KHDRBS2: variants seen among roughly 807,000 people sequenced by gnomAD.
The protein encoded by KHDRBS2 is KH RNA binding domain containing, signal transduction associated 2.
A neutral mutation model predicts 44.3 loss-of-function variants in KHDRBS2; 26 were observed. That is an observed-to-expected ratio of 0.59 (90% confidence interval 0.43 to 0.81). KHDRBS2 has a LOEUF of 0.81. KHDRBS2 is among the 40% of genes least tolerant of loss of function. The pLI is 0.00. For synonymous variants in KHDRBS2, 194 were observed against 151.1 expected, an observed-to-expected ratio of 1.28 and a Z score of -2.08; for missense variants, 476 against 433.1, an observed-to-expected ratio of 1.10 and a Z score of -0.88.
chr6:62,087,354 C>A (rs1798586306), intron 2 of KHDRBS2, among the ~76,000 whole-genome samples: 2 of 151,340 alleles, frequency 1.3e-5, no homozygotes. Context: ...GTTTTAGGAT[C>A]TAAAAAATTA....
intron 6 of KHDRBS2, among the ~76,000 whole-genome samples, chr6:61,848,491 G>GTATATATA (rs1180750340): frequency 3.3e-5 from 1 of 30,482 alleles, no homozygotes; most frequent in South Asian, 1.3e-3. Context: ...ATATATATAT[G>GTATATATA]TATATATATA....
intron 2 of KHDRBS2, among the ~76,000 whole-genome samples, chr6:62,157,181 C>G (rs1816629868): frequency 6.6e-6 from 1 of 151,276 alleles, no homozygotes; most frequent in Admixed American, 6.6e-5. Context: ...TGGTGAAACC[C>G]CGTCTCTACT....
intron 1 of KHDRBS2, among the ~76,000 whole-genome samples, chr6:62,189,610 C>T (rs925615233): frequency 1.3e-5 from 2 of 151,946 alleles, no homozygotes; most frequent in Non-Finnish European, 2.9e-5. Flanking sequence ...GCAGGAAGAT[C>T]AGTTGTGAGG....
chr6:61,724,011 A>G (rs753394599), intron 7 of KHDRBS2, among the ~76,000 whole-genome samples: 19 of 152,150 alleles, frequency 1.2e-4, no homozygotes, highest in East Asian at 1.9e-4. Context: ...GCACATAATC[A>G]TCAGATTTTC....
intron 6 of KHDRBS2, among the ~76,000 whole-genome samples, chr6:61,843,261 G>A (rs1272068750): frequency 6.6e-6 from 1 of 151,622 alleles, no homozygotes; most frequent in Non-Finnish European, 1.5e-5. Flanking sequence ...TTTGGTGATG[G>A]TTGCACAACT....
intron 4 of KHDRBS2, among the ~76,000 whole-genome samples, chr6:61,956,904 T>TTCTTCA (rs1554293360): frequency 4.7e-5 from 7 of 148,308 alleles, no homozygotes; most frequent in African/African-American, 1.8e-4. Context: ...GTTATTGGTT[T>TTCTTCA]TCATCATCAT....
intron 2 of KHDRBS2, among the ~76,000 whole-genome samples, chr6:62,064,974 C>A (rs550653496): frequency 1.3e-5 from 2 of 151,958 alleles, no homozygotes; most frequent in South Asian, 4.2e-4. Flanking sequence ...GGGTGAAGGA[C>A]ATGAACAGAC....
At chr6:61,736,332 C>T (rs972266384) in intron 6 of KHDRBS2, among the ~76,000 whole-genome samples, 44 of 151,368 alleles carry the variant, frequency 2.9e-4, no homozygotes, top group African/African-American at 1.1e-3. Context: ...GTCTCATCTC[C>T]TTTGTGGTGG....
intron 6 of KHDRBS2, among the ~76,000 whole-genome samples, chr6:61,807,625 A>G (rs554361119): frequency 6.6e-6 from 1 of 152,126 alleles, no homozygotes; most frequent in South Asian, 2.1e-4. Context: ...ACAAAATCAC[A>G]TGGACACTAG....
chr6:61,543,925 AG>A, the KHDRBS2 span, among the ~76,000 whole-genome samples: 1 of 152,030 alleles, frequency 6.6e-6, no homozygotes, highest in South Asian at 2.1e-4. Flanking sequence ...GGAGACAGTG[AG>A]GAGAATGATC....
chr6:61,549,575 G>A, the KHDRBS2 span, among the ~76,000 whole-genome samples: 1 of 152,052 alleles, frequency 6.6e-6, no homozygotes, highest in Non-Finnish European at 1.5e-5. Flanking sequence ...CTCCTGTTTG[G>A]TTCTGCCTGC....
chr6:62,256,319 G>A (rs1461771727), intron 1 of KHDRBS2, among the ~76,000 whole-genome samples: 1 of 151,980 alleles, frequency 6.6e-6, no homozygotes, highest in Non-Finnish European at 1.5e-5. Context: ...TAGTTTGGCT[G>A]TGTCCCCACC....
intron 2 of KHDRBS2, among the ~76,000 whole-genome samples, chr6:62,054,562 C>T (rs1261552263): frequency 6.6e-6 from 1 of 151,984 alleles, no homozygotes. Flanking sequence ...CCAGCTGTGC[C>T]TAATGTCTTT....
At chr6:61,543,544 T>C in the KHDRBS2 span, among the ~76,000 whole-genome samples, 1 of 152,018 alleles carries the variant, frequency 6.6e-6, no homozygotes, top group Non-Finnish European at 1.5e-5. Flanking sequence ...TGAAGGCTCC[T>C]TAAAAAAACT....
chr6:62,208,842 G>A (rs1200993287), intron 1 of KHDRBS2, among the ~76,000 whole-genome samples: 1 of 152,184 alleles, frequency 6.6e-6, no homozygotes, highest in African/African-American at 2.4e-5. Context: ...GTGACGTTGA[G>A]AACCGTTTCA....
intron 2 of KHDRBS2, among the ~76,000 whole-genome samples, chr6:62,118,105 T>C (rs1256874792): frequency 2.6e-5 from 4 of 152,290 alleles, no homozygotes; most frequent in African/African-American, 9.6e-5. Flanking sequence ...TGGTGAGAGA[T>C]AGGTGTCTAG....
the KHDRBS2 span, among the ~76,000 whole-genome samples, chr6:61,667,003 T>G: frequency 6.6e-6 from 1 of 150,552 alleles, no homozygotes; most frequent in South Asian, 2.1e-4. Context: ...TTTTTTTTTT[T>G]TTTTCTCAAA....
In KHDRBS2 at chr6:61,947,938, A is replaced by G. The variant is rs139053722; in HGVS notation, c.483+30128T>C. On this transcript the variant is annotated intron_variant, in intron 4 of 8. Transcript: ENST00000281156. Reference sequence around the variant, plus strand: ...AAATAATAATAATAATAATAATAATAATAATAATAATAATAACAGAGGAAT... The same window carrying G: ...AAATAATAATAATAATAATAATAATGATAATAATAATAATAACAGAGGAAT... Among the ~76,000 whole-genome samples the G allele has an allele frequency of 8.2e-3, 1,221 of 149,360 alleles. 11 individuals are homozygous for G. The highest frequency in any genetic ancestry group is 0.012 in the Non-Finnish European group (778 of 67,424).
intron 6 of KHDRBS2, among the ~76,000 whole-genome samples, chr6:61,760,126 AG>A (rs1370613976): frequency 2.0e-5 from 3 of 152,226 alleles, no homozygotes; most frequent in Non-Finnish European, 2.9e-5. Context: ...ATTATTTTTA[AG>A]GGGTAATTCA....
Sources: gnomAD v4.1 joint callset for allele counts (sites outside exome capture counted in the v4.1 genomes callset) on GRCh38, gnomAD v4.1.1 for gene constraint, MANE v1.5 for transcripts, NCBI Gene and HGNC (gene_info 2026-07-23, HGNC 2026-07-21) for gene names.